QPRT: variants seen among roughly 807,000 people sequenced by gnomAD.
QPRT encodes the protein quinolinate phosphoribosyltransferase.
QPRT carries 17 observed loss-of-function variants against 19.8 expected under a neutral mutation model. The ratio of observed to expected loss-of-function variants is 0.86; its 90% confidence interval spans 0.59 to 1.29. The LOEUF (loss-of-function observed/expected upper bound fraction) is 1.29, where lower values mean the gene tolerates loss of function less well. QPRT is among the 50% of genes most tolerant of loss of function. The pLI is 0.00. For synonymous variants in QPRT, 178 were observed against 191.0 expected, an observed-to-expected ratio of 0.93 and a Z score of 0.56; for missense variants, 336 against 405.1, an observed-to-expected ratio of 0.83 and a Z score of 1.46.
intron 1 of QPRT, among the ~76,000 whole-genome samples, chr16:29,689,587 C>T (rs190840007): frequency 5.2e-4 from 79 of 152,118 alleles, no homozygotes; most frequent in African/African-American, 1.8e-3. Flanking sequence ...GAAAGAGAAG[C>T]GAAACTAAAG....
intron 1 of QPRT, among the ~76,000 whole-genome samples, chr16:29,683,905 C>T (rs1448252104): frequency 6.6e-6 from 1 of 152,172 alleles, no homozygotes; most frequent in Non-Finnish European, 1.5e-5. Context: ...CCCTACCTCC[C>T]GTGCGCTCCT....
chr16:29,692,829 G>A (rs1038465245), intron 1 of QPRT, among the ~76,000 whole-genome samples: 13 of 152,184 alleles, frequency 8.5e-5, no homozygotes, highest in Non-Finnish European at 1.6e-4. Context: ...TTGGGAGGCG[G>A]AGGCGGGCGA....
chr16:29,687,576 G>A (rs987775727), intron 1 of QPRT, among the ~76,000 whole-genome samples: 6 of 152,066 alleles, frequency 3.9e-5, no homozygotes, highest in Admixed American at 2.0e-4. Context: ...ATAAAATACA[G>A]AAATGTACTA....
rs761815622 is a variant in QPRT at position 29,697,177 on chromosome 16, C to T, written c.682-22C>T. ...AGGGATCTGTGGTGGGCTCTTACCT[C>T]CCCTTGGCTTGTGTCCCGCAGGAGC... On this transcript the variant is annotated intron_variant, in intron 3 of 3. Transcript: ENST00000395384. This position sits in a 1 kb window ranked among gnomAD's most constrained non-coding sequence, Gnocchi z 4.4. The T allele has an allele frequency of 1.2e-6, 2 of 1,600,708 alleles. No homozygotes were observed. Among genetic ancestry groups the T allele is most frequent in the Non-Finnish European group, 1.7e-6 (2 of 1,170,476 alleles).
At chr16:29,688,398 C>T (rs1339752268) in intron 1 of QPRT, among the ~76,000 whole-genome samples, 6 of 151,948 alleles carry the variant, frequency 3.9e-5, no homozygotes, top group Admixed American at 6.6e-5. Context: ...TAAAATTGGA[C>T]GATGCAGAGG....
chr16:29,696,873 C>T (rs546612478), intron 2 of QPRT, 123 bp from the exon 3 acceptor site: 152 of 1,200,266 alleles, frequency 1.3e-4, no homozygotes, highest in Non-Finnish European at 1.6e-4. Flanking sequence ...ATGTCAGTCC[C>T]GGCTCCCCGC....
At chr16:29,688,597 G>T (rs561173179) in intron 1 of QPRT, among the ~76,000 whole-genome samples, 1 of 152,152 alleles carries the variant, frequency 6.6e-6, no homozygotes, top group Non-Finnish European at 1.5e-5. Context: ...TCGGCTCACT[G>T]CAAACTCTGC....
At chr16:29,692,175 T>C (rs1436741490) in intron 1 of QPRT, among the ~76,000 whole-genome samples, 1 of 152,212 alleles carries the variant, frequency 6.6e-6, no homozygotes, top group African/African-American at 2.4e-5. Flanking sequence ...TGGGTTTGCC[T>C]CTGCCCGCAG....
rs544405708 is a variant in QPRT, at chr16:29,684,249, A to G, written c.13+5039A>G. Among the ~76,000 whole-genome samples the G allele has an allele frequency of 4.8e-4, 73 of 152,276 alleles. 1 individual carries two copies. Among genetic ancestry groups the G allele is most frequent in the Non-Finnish European group, 1.0e-4 (7 of 68,024 alleles). The stretch of plus-strand genomic sequence containing the variant: ...GCAGCCTCCCGAGTAGCTGGCGAGT[A>G]GCTGGGACTACAGGCGTGCACCCCC... On this transcript the variant is annotated intron_variant, in intron 1 of 3. Transcript: ENST00000395384.
At chr16:29,684,244 C>T (rs780856084) in intron 1 of QPRT, among the ~76,000 whole-genome samples, 3 of 152,030 alleles carry the variant, frequency 2.0e-5, no homozygotes, top group African/African-American at 7.2e-5. Flanking sequence ...GAGTAGCTGG[C>T]GAGTAGCTGG....
chr16:29,688,592 T>C (rs375721643), intron 1 of QPRT, among the ~76,000 whole-genome samples: 6 of 152,072 alleles, frequency 3.9e-5, no homozygotes, highest in African/African-American at 1.4e-4. Flanking sequence ...CTATCTCGGC[T>C]CACTGCAAAC....
chr16:29,694,666 C>G lies in QPRT; in HGVS notation c.16C>G (p.Leu6Val). ...CAGCTGTTCTCTCTTCCCCCCAGGC[C>G]TGGCGCTGCTGCTGCCGCCCGTCAC... is the stretch of plus-strand genomic sequence containing the variant. MDAEG[L>V]ALLLPPVTLA... Residue 6 changes from leucine (L) to valine (V), a missense_variant and splice_region_variant, in exon 2 of 4, where the codon CTG (leucine) becomes GTG (valine). Physicochemically the swap from Leu to Val is conservative, Grantham distance 32. Transcript: ENST00000395384. 6.5e-7 allele frequency: 1 copy of G among 1,541,156 alleles called. No individual in the cohort carries two copies. Among genetic ancestry groups the G allele is most frequent in the East Asian group, 2.3e-5 (1 of 44,286 alleles).
intron 1 of QPRT, among the ~76,000 whole-genome samples, chr16:29,680,369 T>C (rs1443302995): frequency 6.6e-6 from 1 of 152,154 alleles, no homozygotes; most frequent in Non-Finnish European, 1.5e-5. Context: ...GCCCAGAGCA[T>C]TCTGTGTAAA....
At chr16:29,692,857 TC>T (rs1300527312) in intron 1 of QPRT, among the ~76,000 whole-genome samples, 1 of 151,790 alleles carries the variant, frequency 6.6e-6, no homozygotes, top group African/African-American at 2.4e-5. Context: ...GGTCAGGAGT[TC>T]CAGACCAGCC....
rs376829535 is a variant in QPRT at position 29,696,993 on chromosome 16, C to T, written c.550-3C>T. The T allele has an allele frequency of 4.8e-5, 76 of 1,598,248 alleles. No individual in the cohort carries two copies. The highest frequency in any genetic ancestry group is 6.3e-5 in the Non-Finnish European group (74 of 1,174,100). On this transcript the variant is annotated splice_polypyrimidine_tract_variant and splice_region_variant and intron_variant, in intron 2 of 3. Coordinates refer to ENST00000395384, the MANE Select transcript of QPRT (RefSeq NM_014298.6). ...CACCCTTGTCCTCCCGGCTGCCCAG[C>T]AGGCGGTGCGGGCGGCCAGACAGGC... is the stretch of plus-strand genomic sequence containing the variant.
rs1281568203 is a variant in QPRT at position 29,697,983 on chromosome 16, C to G, written c.*572C>G. On this transcript the variant is annotated 3_prime_UTR_variant, in exon 4 of 4. Coordinates refer to ENST00000395384, the MANE Select transcript of QPRT (RefSeq NM_014298.6). The surrounding 1 kb of genome is among the most constrained non-coding windows in gnomAD (Gnocchi z 4.4). ...TGGGTGATAGAGCGAGACTCTGTCT[C>G]CAAAGAAGAAACAAAGGAAAGAAAG... 2.9e-5 allele frequency: 4 copies of G among 135,638 alleles called. No homozygotes were observed. Among genetic ancestry groups the G allele is most frequent in the Non-Finnish European group, 6.3e-5 (4 of 63,798 alleles). The allele number at this position is 135,638 out of a possible 1,614,324, so 8.4% of individuals were successfully genotyped here.
chr16:29,684,928 C>T (rs115274353), intron 1 of QPRT, among the ~76,000 whole-genome samples: 205 of 152,262 alleles, frequency 1.3e-3, no homozygotes, highest in African/African-American at 2.2e-3. Context: ...ATGGCTGGCA[C>T]GCCATGGCAC....
chr16:29,680,059 G>A (rs999360254), intron 1 of QPRT, among the ~76,000 whole-genome samples: 2 of 150,374 alleles, frequency 1.3e-5, no homozygotes, highest in Non-Finnish European at 2.9e-5. Flanking sequence ...CCGGGTTCAT[G>A]CCATTCTCCT....
At chr16:29,685,953 C>T (rs925964491) in intron 1 of QPRT, among the ~76,000 whole-genome samples, 11 of 152,104 alleles carry the variant, frequency 7.2e-5, no homozygotes, top group African/African-American at 1.7e-4. Context: ...CTCCACCTCC[C>T]GGGTTCAACC....
Sources: gnomAD v4.1 joint callset for allele counts (sites outside exome capture counted in the v4.1 genomes callset) on GRCh38, gnomAD v4.1.1 for gene constraint, Gnocchi (gnomAD v3.1) non-coding constraint, MANE v1.5 for transcripts, NCBI Gene and HGNC (gene_info 2026-07-23, HGNC 2026-07-21) for gene names.